The following COL11A1 variants were observed in gnomAD, a reference collection of about 807,000 sequenced individuals.
The protein encoded by COL11A1 is collagen type XI alpha 1 chain.
A neutral mutation model predicts 265.2 loss-of-function variants in COL11A1; 74 were observed. The observed-to-expected ratio is 0.28, with a 90% CI of 0.23 to 0.34. The LOEUF (loss-of-function observed/expected upper bound fraction) is 0.34. Among genes scored for constraint, COL11A1 ranks in the 10% least tolerant of loss-of-function variants. The probability of loss-of-function intolerance (pLI) is 1.00; values close to 1 mark genes in which losing one functional copy is unlikely to be tolerated. For missense variants in COL11A1, 2,165 were observed against 2,263.6 expected, an observed-to-expected ratio of 0.96 and a Z score of 0.88; for synonymous variants, 816 against 727.6, an observed-to-expected ratio of 1.12 and a Z score of -1.96.
rs1671841900 is a variant in COL11A1, at chr1:103,074,743, C to T, written c.526G>A (p.Val176Met). The T allele has an allele frequency of 3.7e-6, 6 of 1,613,318 alleles. No homozygotes were observed. The highest frequency in any genetic ancestry group is 5.1e-6 in the Non-Finnish European group (6 of 1,179,604). ...TTCTTACAATCAACAATCATTGTCA[C>T]AGTTTTCTTCTCCACGCTGATTGCT... ...RVAISVEKKT[V>M]TMIVDCKKKT... Residue 176 changes from valine (V) to methionine (M), a missense_variant, in exon 4 of 67, where the codon GTG (valine) becomes ATG (methionine). Physicochemically the swap from Val to Met is conservative, Grantham distance 21. Coordinates refer to ENST00000370096, the MANE Select transcript of COL11A1 (RefSeq NM_001854.4).
chr1:102,941,637 CCTATGAGAACT>C (rs1252993814), intron 42 of COL11A1, among the ~76,000 whole-genome samples: 1 of 152,112 alleles, frequency 6.6e-6, no homozygotes, highest in Non-Finnish European at 1.5e-5. Context: ...CTGGAATGCC[CCTATGAGAACT>C]CTTTGCATAG....
At chr1:102,954,546 T>C (rs1660180321) in intron 41 of COL11A1, among the ~76,000 whole-genome samples, 1 of 152,150 alleles carries the variant, frequency 6.6e-6, no homozygotes, top group Non-Finnish European at 1.5e-5. Context: ...CTCTGTCTTT[T>C]TAAAAAGTTG....
rs772285796 is a variant in COL11A1 at position 102,877,977 on chromosome 1, AG to A, written c.*41del. The A allele has an allele frequency of 2.5e-6, 4 of 1,608,890 alleles. No individual in the cohort carries two copies. The South Asian group carries it at 4.4e-5, about 18-fold the overall frequency. The stretch of plus-strand genomic sequence containing the variant: ...GGCACAAAATGGGTTGGTGGCACCA[AG>A]GTATATTTTCTGTTGATTTGATATG... On this transcript the variant is annotated 3_prime_UTR_variant, in exon 67 of 67. Transcript: ENST00000370096.
At chr1:103,083,499 A>C (rs1246194922) in intron 1 of COL11A1, among the ~76,000 whole-genome samples, 1 of 152,160 alleles carries the variant, frequency 6.6e-6, no homozygotes, top group African/African-American at 2.4e-5. Context: ...TCAAATGTAC[A>C]ATGGATGTTA....
chr1:102,904,891 T>C (rs1570683156), intron 54 of COL11A1, among the ~76,000 whole-genome samples: 1 of 152,162 alleles, frequency 6.6e-6, no homozygotes, highest in Admixed American at 6.5e-5. Flanking sequence ...ACCCAAAGGA[T>C]TATAAATCAT....
At chr1:103,046,673 C>T (rs1199494498) in intron 4 of COL11A1, among the ~76,000 whole-genome samples, 2 of 151,356 alleles carry the variant, frequency 1.3e-5, no homozygotes, top group African/African-American at 2.4e-5. Context: ...GACATGAAGT[C>T]CTTGCCCGTG....
chr1:103,042,496 G>T (rs1016996913), intron 4 of COL11A1, among the ~76,000 whole-genome samples: 1 of 152,058 alleles, frequency 6.6e-6, no homozygotes, highest in Non-Finnish European at 1.5e-5. Context: ...GTGCCTGCAA[G>T]AATCTGACCC....
intron 14 of COL11A1, among the ~76,000 whole-genome samples, chr1:103,009,498 T>C (rs1384420495): frequency 6.6e-6 from 1 of 152,050 alleles, no homozygotes; most frequent in East Asian, 1.9e-4. Flanking sequence ...AAACAAAACA[T>C]AAAATTGCTT....
chr1:103,030,079 A>G (rs1667849964), intron 5 of COL11A1, among the ~76,000 whole-genome samples: 1 of 152,086 alleles, frequency 6.6e-6, no homozygotes, highest in Non-Finnish European at 1.5e-5. Context: ...TATTTTATCT[A>G]TCACTTCAGA....
intron 63 of COL11A1, among the ~76,000 whole-genome samples, chr1:102,886,415 T>C (rs1650986995): frequency 6.6e-6 from 1 of 152,184 alleles, no homozygotes; most frequent in African/African-American, 2.4e-5. Flanking sequence ...CACATATCCA[T>C]ATATTCATAT....
rs531090192 is a variant in COL11A1, at chr1:102,914,195, T to C, written c.3978+157A>G. Among the ~76,000 whole-genome samples, 13 of 152,344 alleles carry C rather than the reference T, an allele frequency of 8.5e-5. No individual in the cohort carries two copies. In the East Asian group the frequency reaches 1.9e-3, roughly 23 times the overall value. On this transcript the variant is annotated intron_variant, in intron 52 of 66. Transcript: ENST00000370096. ...GTTGGTGCAATAGTCTCCAACTATATGGATTTTCCTGCATTTGCAATTACT... is the reference window on the plus strand; with the variant it reads ...GTTGGTGCAATAGTCTCCAACTATACGGATTTTCCTGCATTTGCAATTACT...
chr1:102,966,817 T>C lies in COL11A1; in HGVS notation c.2863-1277A>G, dbSNP rs201131459. Among the ~76,000 whole-genome samples, 4 of 152,160 alleles carry C rather than the reference T, an allele frequency of 2.6e-5. No homozygotes were observed. In the East Asian group the frequency reaches 7.7e-4, roughly 29 times the overall value. On this transcript the variant is annotated intron_variant, in intron 37 of 66. Coordinates refer to ENST00000370096, the MANE Select transcript of COL11A1 (RefSeq NM_001854.4). ...ATCTCTATGCTGATGAACTCCTCCA[T>C]TCCCAACTATTTATAAACCTCTAAT... is the stretch of plus-strand genomic sequence containing the variant.
intron 66 of COL11A1, among the ~76,000 whole-genome samples, chr1:102,878,392 C>T (rs1649772740): frequency 7.2e-6 from 1 of 138,206 alleles, no homozygotes; most frequent in African/African-American, 2.7e-5. Context: ...TATGATAGTG[C>T]TATATATTTT....
At chr1:103,102,267 G>A (rs976522365) in intron 1 of COL11A1, among the ~76,000 whole-genome samples, 1 of 152,028 alleles carries the variant, frequency 6.6e-6, no homozygotes, top group African/African-American at 2.4e-5. Flanking sequence ...GAATTAAATT[G>A]CAAGAGAATT....
chr1:103,059,077 A>G (rs1306360141), intron 4 of COL11A1, among the ~76,000 whole-genome samples: 1 of 152,206 alleles, frequency 6.6e-6, no homozygotes, highest in Non-Finnish European at 1.5e-5. Flanking sequence ...CAAGGTTGCC[A>G]CAAACTTTCA....
intron 4 of COL11A1, among the ~76,000 whole-genome samples, chr1:103,053,187 T>A (rs1669967991): frequency 6.6e-6 from 1 of 152,140 alleles, no homozygotes; most frequent in African/African-American, 2.4e-5. Flanking sequence ...ACAAGTAGCA[T>A]CCTATATAAA....
rs1485625835 is a variant in COL11A1, at chr1:102,914,349, T to C, written c.3978+3A>G. On this transcript the variant is annotated splice_donor_region_variant and intron_variant, in intron 52 of 66. Coordinates refer to ENST00000370096, the MANE Select transcript of COL11A1 (RefSeq NM_001854.4). ...AATTTCTTGATTTTTCCCTGATACT[T>C]ACTGCAGGGCCAGGTTCCCCAGGAG... 1 of 1,602,632 alleles carries C rather than the reference T, an allele frequency of 6.2e-7. No homozygotes were observed.
chr1:102,910,580 C>A (rs917784505), intron 54 of COL11A1, among the ~76,000 whole-genome samples: 1 of 152,068 alleles, frequency 6.6e-6, no homozygotes, highest in Non-Finnish European at 1.5e-5. Flanking sequence ...AAGCATCATA[C>A]TTTATACTTG....
chr1:103,082,354 A>T (rs1013334803), intron 2 of COL11A1, among the ~76,000 whole-genome samples: 2 of 152,018 alleles, frequency 1.3e-5, no homozygotes, highest in African/African-American at 4.8e-5. Flanking sequence ...TTAGGAAAAC[A>T]TGCACTAAGT....
Sources: allele counts gnomAD v4.1 joint callset (sites outside exome capture counted in the v4.1 genomes callset), GRCh38; gene constraint gnomAD v4.1.1; transcripts MANE v1.5; gene names NCBI Gene and HGNC (gene_info 2026-07-23, HGNC 2026-07-21).